Variants in OTUD7A observed in about 807,000 individuals in gnomAD.
OTUD7A encodes OTU domain-containing protein 7A.
In OTUD7A, 12 loss-of-function variants were observed where a neutral mutation model predicts 65.7. The observed-to-expected ratio is 0.18, with a 90% CI of 0.12 to 0.30. The LOEUF (loss-of-function observed/expected upper bound fraction) is 0.30. OTUD7A is among the 10% of genes least tolerant of loss of function. The pLI is 1.00. For missense variants in OTUD7A, 1,148 were observed against 1,304.8 expected (o/e 0.88, Z 1.85); for synonymous variants, 641 against 586.3 (o/e 1.09, Z -1.35).
At position 31,484,683 on chromosome 15, in the gene OTUD7A, C is replaced by T; in HGVS notation, c.1413G>A (p.Gly471=). Residue 471 remains glycine, a synonymous_variant, in exon 13 of 13, where the codon GGG becomes GGA. Transcript: ENST00000307050. This position sits in a 1 kb window ranked among gnomAD's most constrained non-coding sequence, Gnocchi z 4.5. ...AQPESPTASA[G]EDVQSLADSL... ...AGTCGGCCAGGGACTGCACGTCCTCCCCTGCCGAGGCCGTGGGAGACTCCG... is the reference window on the plus strand; with the variant it reads ...AGTCGGCCAGGGACTGCACGTCCTCTCCTGCCGAGGCCGTGGGAGACTCCG... 6.3e-7 allele frequency: 1 copy of T among 1,583,128 alleles called. No individual in the cohort carries two copies. The highest frequency in any genetic ancestry group is 2.3e-5 in the East Asian group (1 of 43,984).
intron 10 of OTUD7A, among the ~76,000 whole-genome samples, chr15:31,491,529 C>T (rs1247890585): frequency 6.6e-6 from 1 of 152,112 alleles, no homozygotes; most frequent in Non-Finnish European, 1.5e-5. Context: ...AATATCAGCA[C>T]CTTAAGTTCT....
chr15:31,655,669 T>C (rs966723247), intron 2 of OTUD7A, among the ~76,000 whole-genome samples: 2 of 152,188 alleles, frequency 1.3e-5, no homozygotes, highest in African/African-American at 4.8e-5. Context: ...ATTTCTGTTG[T>C]TCATAAGCCT....
chr15:31,822,750 C>T (rs975749830), intron 1 of OTUD7A, among the ~76,000 whole-genome samples: 2 of 152,168 alleles, frequency 1.3e-5, no homozygotes, highest in Non-Finnish European at 2.9e-5. Flanking sequence ...CCAGGCAGAC[C>T]CCTCAGGACC....
chr15:31,684,492 T>A (rs553426287), intron 1 of OTUD7A, among the ~76,000 whole-genome samples: 1 of 152,176 alleles, frequency 6.6e-6, no homozygotes, highest in Admixed American at 6.5e-5. Flanking sequence ...TCAGGGTCTC[T>A]CACAAGGCTG....
At chr15:31,722,256 C>T (rs985563223) in intron 1 of OTUD7A, among the ~76,000 whole-genome samples, 3 of 152,216 alleles carry the variant, frequency 2.0e-5, no homozygotes, top group African/African-American at 7.2e-5. Flanking sequence ...CTCCTCACCT[C>T]AGCCACGCAG....
At chr15:31,700,426 T>G (rs1480979310) in intron 1 of OTUD7A, among the ~76,000 whole-genome samples, 1 of 152,006 alleles carries the variant, frequency 6.6e-6, no homozygotes, top group East Asian at 1.9e-4. Flanking sequence ...CTGCCTTCCT[T>G]GCAAAACTTA....
Position 31,487,088 on chromosome 15 carries a change from G to T in OTUD7A, c.1371+106C>A. 1 of 1,145,048 alleles carries T rather than the reference G, an allele frequency of 8.7e-7. No homozygotes were observed. The highest frequency in any genetic ancestry group is 1.3e-6 in the Non-Finnish European group (1 of 797,332). 70.9% of individuals were successfully genotyped at this position (1,145,048 alleles called of 1,614,324 possible). ...TGGCTGGGGTGGGCGGCCGGGCAGG[G>T]GCAGGCAAGAGTGTGGGAGCATTTG... On this transcript the variant is annotated intron_variant, in intron 12 of 12. Coordinates refer to ENST00000307050, the MANE Select transcript of OTUD7A (RefSeq NM_001382637.1). This position sits in a 1 kb window ranked among gnomAD's most constrained non-coding sequence, Gnocchi z 6.0.
intron 3 of OTUD7A, among the ~76,000 whole-genome samples, chr15:31,638,352 T>C (rs1310923776): frequency 4.0e-5 from 6 of 151,496 alleles, no homozygotes; most frequent in African/African-American, 1.5e-4. Flanking sequence ...GAACACTTAG[T>C]AGACTACAGA....
At chr15:31,529,125 CA>C (rs1282184606) in intron 6 of OTUD7A, among the ~76,000 whole-genome samples, 2 of 152,226 alleles carry the variant, frequency 1.3e-5, no homozygotes, top group Non-Finnish European at 2.9e-5. Flanking sequence ...AATGACTCTA[CA>C]TGCTGCAGTT....
rs1308852514 is a variant in OTUD7A at position 31,620,214 on chromosome 15, T to TC, written c.151+34881_151+34882insG. ...TTGCATCGATGTTCATCAGGGATATTAGTCTAAAATTCTCTTTTTTGTGTG... is the reference window on the plus strand; with the variant it reads ...TTGCATCGATGTTCATCAGGGATATTCAGTCTAAAATTCTCTTTTTTGTGTG... On this transcript the variant is annotated intron_variant, in intron 3 of 12. Coordinates refer to ENST00000307050, the MANE Select transcript of OTUD7A (RefSeq NM_001382637.1). Among the ~76,000 whole-genome samples the TC allele has an allele frequency of 7.2e-4, 110 of 152,028 alleles. 1 individual carries two copies. The highest frequency in any genetic ancestry group is 2.5e-3 in the African/African-American group (102 of 41,294).
chr15:31,794,723 C>T (rs1053474493), intron 1 of OTUD7A, among the ~76,000 whole-genome samples: 2 of 152,114 alleles, frequency 1.3e-5, no homozygotes, highest in African/African-American at 4.8e-5. Flanking sequence ...CCCAGCCCAC[C>T]GTCTGGGGGA....
chr15:31,606,797 C>T (rs1890251011), intron 3 of OTUD7A, among the ~76,000 whole-genome samples: 1 of 152,166 alleles, frequency 6.6e-6, no homozygotes, highest in South Asian at 2.1e-4. Flanking sequence ...TAAGTAATAA[C>T]ATTTTATTTC....
intron 1 of OTUD7A, among the ~76,000 whole-genome samples, chr15:31,807,679 T>G (rs1896305591): frequency 6.6e-6 from 1 of 151,996 alleles, no homozygotes; most frequent in Non-Finnish European, 1.5e-5. Flanking sequence ...CCTGAGATGG[T>G]TTAAAACCAT....
Position 31,487,123 on chromosome 15 carries a change from A to G in OTUD7A, c.1371+71T>C, listed in dbSNP as rs1566879677. ...AGTGTGGGAGCATTTGGGAGGATGC[A>G]CCCTGGTCAGACTGGAGCTGAGCAG... is the stretch of plus-strand genomic sequence containing the variant. On this transcript the variant is annotated intron_variant, in intron 12 of 12. Coordinates refer to ENST00000307050, the MANE Select transcript of OTUD7A (RefSeq NM_001382637.1). The surrounding 1 kb of genome is among the most constrained non-coding windows in gnomAD (Gnocchi z 6.0). The G allele has an allele frequency of 6.9e-7, 1 of 1,457,930 alleles. No individual in the cohort carries two copies. Among genetic ancestry groups the G allele is most frequent in the Non-Finnish European group, 9.5e-7 (1 of 1,051,636 alleles). The allele number at this position is 1,457,930 out of a possible 1,614,324, so 90.3% of individuals were successfully genotyped here.
At chr15:31,854,778 G>C (rs1053818025) in intron 1 of OTUD7A, among the ~76,000 whole-genome samples, 2 of 151,668 alleles carry the variant, frequency 1.3e-5, no homozygotes, top group African/African-American at 4.8e-5. Context: ...ACATCTTTGA[G>C]GGGTTGTCTT....
rs934474196 is a variant in OTUD7A at position 31,484,345 on chromosome 15, G to T, written c.1751C>A (p.Ala584Glu). The T allele has an allele frequency of 2.5e-6, 4 of 1,600,674 alleles. No homozygotes were observed. The highest frequency in any genetic ancestry group is 3.4e-6 in the Non-Finnish European group (4 of 1,179,414). ...TTCCGACGGCGACGTGCTGGCCGAC[G>T]CACCAGACTCCTCCTTGCTGCCCTT... ...SRKGSKEESG[A>E]SASTSPSEKT... Residue 584 changes from alanine (A) to glutamate (E), a missense_variant, in exon 13 of 13, where the codon GCG (alanine) becomes GAG (glutamate). By Grantham distance (107) the Ala-to-Glu change is moderately radical (BLOSUM62 -1). Transcript: ENST00000307050. The surrounding 1 kb of genome is among the most constrained non-coding windows in gnomAD (Gnocchi z 4.5).
intron 1 of OTUD7A, among the ~76,000 whole-genome samples, chr15:31,776,660 A>G (rs1489573158): frequency 6.6e-6 from 1 of 152,198 alleles, no homozygotes; most frequent in Non-Finnish European, 1.5e-5. Flanking sequence ...AGGAATACTG[A>G]GGAAAACAAT....
chr15:31,552,737 A>C (rs1365493772), intron 5 of OTUD7A, among the ~76,000 whole-genome samples: 3 of 152,180 alleles, frequency 2.0e-5, no homozygotes, highest in Admixed American at 1.3e-4. Context: ...CCAACGCTGC[A>C]CCTGGCCCAC....
intron 8 of OTUD7A, among the ~76,000 whole-genome samples, chr15:31,525,431 G>A (rs749996632): frequency 9.8e-5 from 15 of 152,344 alleles, no homozygotes; most frequent in African/African-American, 2.9e-4. Context: ...CGCCACTGCT[G>A]CAGCTGCAGC....
Sources: gnomAD v4.1 joint callset for allele counts (sites outside exome capture counted in the v4.1 genomes callset) on GRCh38, gnomAD v4.1.1 for gene constraint, Gnocchi (gnomAD v3.1) non-coding constraint, MANE v1.5 for transcripts, NCBI Gene and HGNC (gene_info 2026-07-23, HGNC 2026-07-21) for gene names.